Variants in GEMIN2 observed in about 807,000 individuals in gnomAD.
GEMIN2 encodes the protein gem-associated protein 2.
In GEMIN2, 37 loss-of-function variants were observed where a neutral mutation model predicts 45.8. The observed-to-expected ratio is 0.81, with a 90% CI of 0.62 to 1.06. The LOEUF (loss-of-function observed/expected upper bound fraction) is 1.06. Among genes scored for constraint, GEMIN2 ranks in the 50% least tolerant of loss-of-function variants. The pLI, the probability that GEMIN2 is intolerant of heterozygous loss-of-function variation, is 0.00. For synonymous variants in GEMIN2, 101 were observed against 111.5 expected (o/e 0.91, Z 0.60); for missense variants, 335 against 321.8 (o/e 1.04, Z -0.31).
At chr14:39,131,635 A>T (rs905984292) in intron 7 of GEMIN2, 7 of 208,452 alleles carry the variant, frequency 3.4e-5, no homozygotes, top group African/African-American at 1.6e-4. Flanking sequence ...ATGTATCTTA[A>T]TTTTTTCCAG....
chr14:39,114,609 G>T, intron 1 of GEMIN2, 134 bp downstream of exon 1: 1 of 704,782 alleles, frequency 1.4e-6, no homozygotes, highest in Admixed American at 2.9e-5. Flanking sequence ...TCCTAACGTG[G>T]GCGAGTTTCT....
chr14:39,123,970 G>T (rs2052609767), intron 5 of GEMIN2, among the ~76,000 whole-genome samples: 1 of 149,360 alleles, frequency 6.7e-6, no homozygotes. Flanking sequence ...ATGTTGCAAG[G>T]TTGGCCTGAA....
chr14:39,115,213 G>A (rs1176218919), intron 2 of GEMIN2, among the ~76,000 whole-genome samples: 1 of 143,550 alleles, frequency 7.0e-6, no homozygotes, highest in African/African-American at 2.4e-5. Flanking sequence ...TTGCTTGTTT[G>A]TTTGTTTATA....
chr14:39,115,023 C>A, intron 2 of GEMIN2, 110 bp downstream of exon 2: 1 of 660,210 alleles, frequency 1.5e-6, no homozygotes, highest in Non-Finnish European at 2.8e-6. Context: ...TTGACTACTC[C>A]GTGCAAAGTT....
chr14:39,114,692 A>G, intron 1 of GEMIN2, 137 bp from the exon 2 acceptor site: 8 of 655,158 alleles, frequency 1.2e-5, no homozygotes, highest in Middle Eastern at 5.0e-4. Flanking sequence ...TCAGAAATAC[A>G]TTGTTTAGTA....
intron 5 of GEMIN2, among the ~76,000 whole-genome samples, chr14:39,124,057 T>C (rs918911093): frequency 5.3e-5 from 8 of 152,106 alleles, no homozygotes; most frequent in African/African-American, 1.2e-4. Context: ...GGTTTTTAAT[T>C]TATAAAGAAT....
intron 6 of GEMIN2, 24 bp from the exon 7 acceptor site, chr14:39,128,256 T>C: frequency 7.4e-7 from 1 of 1,353,032 alleles, no homozygotes; most frequent in Non-Finnish European, 1.0e-6. Context: ...ACAACTCTTC[T>C]CCACCCCCTC....
intron 6 of GEMIN2, among the ~76,000 whole-genome samples, chr14:39,127,135 G>A (rs1380454535): frequency 1.4e-5 from 2 of 143,360 alleles, no homozygotes; most frequent in Non-Finnish European, 3.0e-5. Flanking sequence ...CTTTTGCCCA[G>A]GCTGTACTGA....
chr14:39,132,104 C>T, intron 8 of GEMIN2, 36 bp downstream of exon 8: 1 of 939,436 alleles, frequency 1.1e-6, no homozygotes, highest in Non-Finnish European at 1.7e-6. Context: ...TTAAAAGCAC[C>T]CACCAATTTA....
At chr14:39,125,656 G>C (rs1460619565) in intron 6 of GEMIN2, among the ~76,000 whole-genome samples, 1 of 152,126 alleles carries the variant, frequency 6.6e-6, no homozygotes, top group Non-Finnish European at 1.5e-5. Flanking sequence ...TAACCCCATT[G>C]CAAGTTCAGG....
At chr14:39,120,828 A>G (rs187101391) in intron 4 of GEMIN2, among the ~76,000 whole-genome samples, 2 of 152,250 alleles carry the variant, frequency 1.3e-5, no homozygotes, top group African/African-American at 4.8e-5. Flanking sequence ...GGGTTTCACC[A>G]TATTTCCAGG....
chr14:39,131,036 G>A lies in GEMIN2; in HGVS notation c.601-922G>A, dbSNP rs143350525. ...TGTACAGCCGGGCATGGTGGCTCACGCCTGTAATCTCACCACTTTGGGAGG... is the reference window on the plus strand; with the variant it reads ...TGTACAGCCGGGCATGGTGGCTCACACCTGTAATCTCACCACTTTGGGAGG... On this transcript the variant is annotated intron_variant, in intron 7 of 9. Transcript: ENST00000308317. 2.3e-3 allele frequency among the ~76,000 whole-genome samples: 357 copies of A among 151,934 alleles called. 4 individuals carry two copies. Among genetic ancestry groups the A allele is most frequent in the Admixed American group, 0.019 (292 of 15,256 alleles).
At position 39,132,069 on chromosome 14, in the gene GEMIN2, G is replaced by A. The variant is rs374805233; in HGVS notation, c.711+1G>A. 14 of 1,405,922 alleles carry A rather than the reference G, an allele frequency of 1.0e-5. No individual in the cohort carries two copies. The highest frequency in any genetic ancestry group is 1.4e-5 in the African/African-American group (1 of 70,816). 87.1% of individuals were successfully genotyped at this position (1,405,922 alleles called of 1,614,324 possible). On this transcript the variant is annotated splice_donor_variant, in intron 8 of 9. Coordinates refer to ENST00000308317, the MANE Select transcript of GEMIN2 (RefSeq NM_003616.3). LOFTEE classifies it high-confidence loss of function. ...GTGCTCTGAAGTGAGGCTCTTAGTG[G>A]TAAGTTGCAACTTACTGTTTAAAAT...
At chr14:39,131,224 G>C (rs2052711085) in intron 7 of GEMIN2, among the ~76,000 whole-genome samples, 1 of 152,088 alleles carries the variant, frequency 6.6e-6, no homozygotes, top group Non-Finnish European at 1.5e-5. Flanking sequence ...TTGAACCCGG[G>C]AGGCAGAGGT....
intron 6 of GEMIN2, among the ~76,000 whole-genome samples, chr14:39,126,797 C>T (rs1029441091): frequency 2.0e-5 from 3 of 152,112 alleles, no homozygotes; most frequent in Non-Finnish European, 4.4e-5. Flanking sequence ...GAGGGAGTCT[C>T]GCTCTGTCGC....
chr14:39,122,300 T>C, intron 4 of GEMIN2, 130 bp from the exon 5 acceptor site: 1 of 601,508 alleles, frequency 1.7e-6, no homozygotes, highest in Non-Finnish European at 3.0e-6. Context: ...GCAGAGATTC[T>C]CCCCATAACT....
chr14:39,123,194 T>C (rs1195064363), intron 5 of GEMIN2, among the ~76,000 whole-genome samples: 3 of 152,208 alleles, frequency 2.0e-5, no homozygotes, highest in African/African-American at 7.2e-5. Flanking sequence ...GAGAATCCAG[T>C]GCATGCCTCT....
intron 7 of GEMIN2, 113 bp downstream of exon 7, chr14:39,128,461 C>A: frequency 9.0e-6 from 4 of 442,404 alleles, no homozygotes; most frequent in Non-Finnish European, 1.6e-5. Flanking sequence ...TGTATTTTTA[C>A]TGCACATTTT....
chr14:39,119,420 A>G (rs935235283), intron 4 of GEMIN2, among the ~76,000 whole-genome samples: 1 of 152,216 alleles, frequency 6.6e-6, no homozygotes, highest in African/African-American at 2.4e-5. Flanking sequence ...TAAGCCCTTT[A>G]GTAGATATAT....
Sources: gnomAD v4.1 joint callset for allele counts (sites outside exome capture counted in the v4.1 genomes callset) on GRCh38, gnomAD v4.1.1 for gene constraint, MANE v1.5 for transcripts, NCBI Gene and HGNC (gene_info 2026-07-23, HGNC 2026-07-21) for gene names.